The following TRMT61B variants were observed in gnomAD, a reference collection of about 807,000 sequenced individuals.
The protein encoded by TRMT61B is tRNA (adenine(58)-N(1))-methyltransferase, mitochondrial.
Under a neutral mutation model 52.0 loss-of-function variants are expected in TRMT61B, and 56 were observed. The ratio of observed to expected loss-of-function variants is 1.08; its 90% CI spans 0.87 to 1.35. The LOEUF is 1.35. TRMT61B is among the 40% of genes most tolerant of loss of function. The pLI is 0.00. For missense variants in TRMT61B, 650 were observed against 577.9 expected (o/e 1.12, Z -1.28); for synonymous variants, 206 against 220.0 (o/e 0.94, Z 0.56).
intron 3 of TRMT61B, among the ~76,000 whole-genome samples, chr2:28,855,225 A>C (rs1669293135): frequency 1.3e-5 from 2 of 152,232 alleles, no homozygotes; most frequent in East Asian, 1.9e-4. Context: ...AGAATCATGC[A>C]GGCTTTAGCT....
In TRMT61B at chr2:28,850,043, T is replaced by C. The variant is rs1421664042; in HGVS notation, c.*156A>G. ...ATGTTTAAGCAGTTTTGCTATGTTA[T>C]ACATCTTTTAGTTGTTATTTTCAAA... On this transcript the variant is annotated 3_prime_UTR_variant, in exon 7 of 7. Coordinates refer to ENST00000306108, the MANE Select transcript of TRMT61B (RefSeq NM_017910.4). 2 of 1,177,810 alleles carry C rather than the reference T, an allele frequency of 1.7e-6. No homozygotes were observed. The highest frequency in any genetic ancestry group is 2.4e-5 in the East Asian group (1 of 41,632). 73.0% of individuals were successfully genotyped at this position (1,177,810 alleles called of 1,614,324 possible). A position where few individuals can be genotyped will look rare whatever the true frequency, so the allele number is the denominator to read the frequency against.
chr2:28,864,839 G>C (rs775528106), intron 2 of TRMT61B, among the ~76,000 whole-genome samples, 178 bp downstream of exon 2: 17 of 152,190 alleles, frequency 1.1e-4, no homozygotes, highest in Non-Finnish European at 2.1e-4. Flanking sequence ...GGATTAGAAA[G>C]AGACTGACTG....
At position 28,869,661 on chromosome 2, in the gene TRMT61B, C is replaced by A. The variant is rs758210253; in HGVS notation, c.617G>T (p.Gly206Val). 1.5e-5 allele frequency: 24 copies of A among 1,614,058 alleles called. No homozygotes were observed. The East Asian group carries it at 4.7e-4, about 31-fold the overall frequency. Residue 206 changes from glycine to valine, a missense_variant, in exon 1 of 7, where the codon GGT becomes GTT. By Grantham distance (109) the Gly-to-Val change is moderately radical. Transcript: ENST00000306108. ...TGGCCTCCTCAGCATGTACTGCTTA[C>A]CGAAGGAACTCCTCAGTATCTGGCC... ...FPGQILRSSF[G>V]KQYMLRRPAL...
Position 28,870,217 on chromosome 2 carries a change from T to C in TRMT61B, c.61A>G (p.Asn21Asp), listed in dbSNP as rs1168600246. The change falls in exon 1 of 7, where the codon AAT becomes GAT. Residue 21 changes from asparagine (N) to aspartate (D), a missense_variant. Physicochemically the swap from Asn to Asp is conservative, Grantham distance 23. Transcript: ENST00000306108. The part of the protein sequence containing the change: ...LLCLRQGLGT[N>D]SFLHGLGQEP... ...TGCCCCAGGCCGTGCAGGAATGAATTGGTTCCGAGCCCCTGCCGCAGGCAC... is the reference window on the plus strand; with the variant it reads ...TGCCCCAGGCCGTGCAGGAATGAATCGGTTCCGAGCCCCTGCCGCAGGCAC... 3.7e-6 allele frequency: 6 copies of C among 1,610,498 alleles called. No homozygotes were observed. The African/African-American group carries it at 6.7e-5, about 18-fold the overall frequency.
chr2:28,870,066 G>A lies in TRMT61B; in HGVS notation c.212C>T (p.Pro71Leu). The A allele has an allele frequency of 6.2e-7, 1 of 1,613,792 alleles. No homozygotes were observed. Among genetic ancestry groups the A allele is most frequent in the Non-Finnish European group, 8.5e-7 (1 of 1,179,944 alleles). The change falls in exon 1 of 7, where the codon CCT becomes CTT. Residue 71 changes from proline (P) to leucine (L), a missense_variant. By Grantham distance (98) the Pro-to-Leu change is moderately conservative. Coordinates refer to ENST00000306108, the MANE Select transcript of TRMT61B (RefSeq NM_017910.4). Reference sequence around the variant, plus strand: ...AGTCCCAATGTCCGAGATGCTCAGAGGGAGAGATGGGCAAGACTCTGCTCC... The same window carrying A: ...AGTCCCAATGTCCGAGATGCTCAGAAGGAGAGATGGGCAAGACTCTGCTCC... ...APGAESCPSL[P>L]LSISDIGTGC... is the part of the protein sequence containing the mutation.
chr2:28,868,188 A>G (rs932629979), intron 1 of TRMT61B, among the ~76,000 whole-genome samples: 5 of 152,210 alleles, frequency 3.3e-5, no homozygotes, highest in Non-Finnish European at 5.9e-5. Context: ...CAAATGGAAT[A>G]AAATACTCAA....
chr2:28,852,732 G>A (rs967248190), intron 3 of TRMT61B, among the ~76,000 whole-genome samples: 13 of 152,034 alleles, frequency 8.6e-5, no homozygotes, highest in Non-Finnish European at 1.6e-4. Context: ...GCTGAGGCAA[G>A]AGGATCCATT....
In TRMT61B at chr2:28,865,055, G is replaced by A. The variant is rs752014087; in HGVS notation, c.764C>T (p.Ser255Leu). ...AAATAAGCTCATTCCACCAGAGCCT[G>A]AGCCAGCTTCCAAAACAGTATCACC... ...NPGDTVLEAG[S>L]GSGGMSLFLS... Residue 255 changes from serine to leucine, a missense_variant, in exon 2 of 7, where the codon TCA becomes TTA. By Grantham distance (145) the Ser-to-Leu change is moderately radical. Coordinates refer to ENST00000306108, the MANE Select transcript of TRMT61B (RefSeq NM_017910.4). The A allele has an allele frequency of 5.0e-6, 8 of 1,613,314 alleles. No individual in the cohort carries two copies. The highest frequency in any genetic ancestry group is 2.2e-5 in the South Asian group (2 of 91,048).
Sources: allele counts gnomAD v4.1 joint callset (sites outside exome capture counted in the v4.1 genomes callset), GRCh38; gene constraint gnomAD v4.1.1; transcripts MANE v1.5; gene names NCBI Gene and HGNC (gene_info 2026-07-23, HGNC 2026-07-21).